MS4A8: variants seen among roughly 807,000 people sequenced by gnomAD.
MS4A8 encodes the protein membrane spanning 4-domains A8, also known as membrane-spanning 4-domains subfamily A member 8.
MS4A8 carries 27 observed loss-of-function variants against 23.7 expected under a neutral mutation model. The observed-to-expected ratio is 1.14, with a 90% CI of 0.84 to 1.57. MS4A8 has a LOEUF of 1.57. MS4A8 is among the 40% of genes most tolerant of loss of function. The pLI is 0.00. For synonymous variants in MS4A8, 138 were observed against 126.3 expected (o/e 1.09, Z -0.62); for missense variants, 301 against 311.4 (o/e 0.97, Z 0.25).
intron 2 of MS4A8, among the ~76,000 whole-genome samples, chr11:60,701,706 T>C (rs914574976): frequency 3.9e-5 from 6 of 152,164 alleles, no homozygotes; most frequent in Non-Finnish European, 7.4e-5. Flanking sequence ...ATCCAATAAT[T>C]CCATTGCTGG....
In MS4A8 at chr11:60,715,305, T is replaced by C; in HGVS notation, c.649-5T>C. The C allele has an allele frequency of 6.2e-7, 1 of 1,613,688 alleles. No individual in the cohort carries two copies. On this transcript the variant is annotated splice_region_variant and splice_polypyrimidine_tract_variant and intron_variant, in intron 6 of 6. Transcript: ENST00000300226. ...GCATGCCCCCTGTGTGCCTGTGTTT[T>C]CCAGGTGAGTGTCATCTATCCAAAC...
At position 60,708,723 on chromosome 11, in the gene MS4A8, A is replaced by G. The variant is rs1463831896; in HGVS notation, c.476A>G (p.Asp159Gly). 1 of 1,612,474 alleles carries G rather than the reference A, an allele frequency of 6.2e-7. No individual in the cohort carries two copies. The highest frequency in any genetic ancestry group is 1.7e-5 in the Admixed American group (1 of 59,734). The change falls in exon 5 of 7, where the codon GAT becomes GGT. Residue 159 changes from aspartate (D) to glycine (G), a missense_variant. Physicochemically the swap from Asp to Gly is moderately conservative, Grantham distance 94. Coordinates refer to ENST00000300226, the MANE Select transcript of MS4A8 (RefSeq NM_031457.2). The part of the protein sequence containing the change: ...SAVGVILFIT[D>G]LSIPHPYAYP... ...GTTGGAGTCATACTCTTCATCACAG[A>G]TCTAAGTATTCCCCACCCATATGCC...
chr11:60,715,276 C>A, intron 6 of MS4A8, 34 bp from the exon 7 acceptor site: 1 of 1,596,194 alleles, frequency 6.3e-7, no homozygotes, highest in South Asian at 1.1e-5. Flanking sequence ...GCCCGTCCTT[C>A]TTAGCATGCC....
At chr11:60,703,635 A>C in intron 3 of MS4A8, 135 bp downstream of exon 3, 1 of 1,025,620 alleles carries the variant, frequency 9.8e-7, no homozygotes, top group Non-Finnish European at 1.4e-6. Context: ...GAAACCAGCC[A>C]GCCCTGGCCT....
intron 5 of MS4A8, chr11:60,712,168 C>G: frequency 3.5e-6 from 1 of 282,570 alleles, no homozygotes; most frequent in Non-Finnish European, 6.0e-6. Flanking sequence ...CCTGCACTCC[C>G]CTTTTCCTGG....
At chr11:60,706,688 G>A (rs372501860) in intron 3 of MS4A8, among the ~76,000 whole-genome samples, 2 of 152,318 alleles carry the variant, frequency 1.3e-5, no homozygotes, top group East Asian at 3.9e-4. Flanking sequence ...CACTTGGGAA[G>A]AGCTATAAAT....
rs372626395 is a variant in MS4A8 at position 60,700,851 on chromosome 11, T to G, written c.-1-9T>G. The G allele has an allele frequency of 3.7e-6, 6 of 1,614,136 alleles. No individual in the cohort carries two copies. ...GAGGGAAAATTCTCTCGCATTTATT[T>G]CTTGGCAGCATGAATTCGATGACTT... is the stretch of plus-strand genomic sequence containing the variant. On this transcript the variant is annotated splice_polypyrimidine_tract_variant and intron_variant, in intron 1 of 6. Coordinates refer to ENST00000300226, the MANE Select transcript of MS4A8 (RefSeq NM_031457.2).
chr11:60,705,500 T>G lies in MS4A8; in HGVS notation c.343-1488T>G, dbSNP rs142162822. On this transcript the variant is annotated intron_variant, in intron 3 of 6. Transcript: ENST00000300226. Reference sequence around the variant, plus strand: ...CTTGATCCCAGGACTGTCTTTCTATTTCCCAAAGATCATCAATATCCTCTT... The same window carrying G: ...CTTGATCCCAGGACTGTCTTTCTATGTCCCAAAGATCATCAATATCCTCTT... 3.7e-3 allele frequency among the ~76,000 whole-genome samples: 562 copies of G among 152,352 alleles called. 4 individuals are homozygous for G. Among genetic ancestry groups the G allele is most frequent in the Middle Eastern group, 6.8e-3 (2 of 294 alleles).
At chr11:60,703,896 CA>C (rs1469760425) in intron 3 of MS4A8, among the ~76,000 whole-genome samples, 22 of 152,040 alleles carry the variant, frequency 1.4e-4, no homozygotes, top group African/African-American at 5.1e-4. Flanking sequence ...GGACACCAGT[CA>C]TTTTGGATTA....
chr11:60,711,750 A>G (rs1356934298), intron 5 of MS4A8: 2 of 453,822 alleles, frequency 4.4e-6, no homozygotes, highest in Non-Finnish European at 8.9e-6. Context: ...GAAAGACTAA[A>G]CCCCAAGCAG....
At chr11:60,707,309 C>A (rs11230453) in intron 4 of MS4A8, among the ~76,000 whole-genome samples, 2 of 147,566 alleles carry the variant, frequency 1.4e-5, no homozygotes, top group African/African-American at 2.5e-5. Context: ...GTATGGAGAG[C>A]GAGAGAGAGA....
intron 3 of MS4A8, among the ~76,000 whole-genome samples, chr11:60,706,757 T>G (rs760540708): frequency 6.6e-6 from 1 of 152,214 alleles, no homozygotes; most frequent in Non-Finnish European, 1.5e-5. Context: ...TTACCCAAGG[T>G]CAAGAGTTTC....
At chr11:60,708,869 C>T (rs751049474) in intron 5 of MS4A8, 88 bp downstream of exon 5, 14 of 1,492,452 alleles carry the variant, frequency 9.4e-6, no homozygotes, top group South Asian at 9.1e-5. Context: ...AACCAAGCTA[C>T]CTCACTGAAC....
intron 3 of MS4A8, among the ~76,000 whole-genome samples, 167 bp from the exon 4 acceptor site, chr11:60,706,821 C>T (rs2088259706): frequency 6.6e-6 from 1 of 152,188 alleles, no homozygotes; most frequent in Non-Finnish European, 1.5e-5. Flanking sequence ...ATTTATCCCA[C>T]CCCAGTGCCT....
At position 60,707,281 on chromosome 11, in the gene MS4A8, C is replaced by A. The variant is rs1263879587; in HGVS notation, c.402+234C>A. On this transcript the variant is annotated intron_variant, in intron 4 of 6. Coordinates refer to ENST00000300226, the MANE Select transcript of MS4A8 (RefSeq NM_031457.2). ...AAGTGAGAAGGGGCAATACAGTCAC[C>A]TTAGTTAAGGCATCAGAGTATGGAG... Among the ~76,000 whole-genome samples the A allele has an allele frequency of 3.3e-5, 5 of 152,056 alleles. No individual in the cohort carries two copies. The East Asian group carries it at 9.7e-4, about 29-fold the overall frequency.
At chr11:60,703,811 G>A (rs939269161) in intron 3 of MS4A8, among the ~76,000 whole-genome samples, 1 of 152,190 alleles carries the variant, frequency 6.6e-6, no homozygotes, top group African/African-American at 2.4e-5. Flanking sequence ...TCCTTGGCTT[G>A]CAGAAGGTCG....
At chr11:60,709,683 T>C (rs1284070309) in intron 5 of MS4A8, among the ~76,000 whole-genome samples, 1 of 152,208 alleles carries the variant, frequency 6.6e-6, no homozygotes, top group Non-Finnish European at 1.5e-5. Flanking sequence ...TTCAATCCTC[T>C]GTCTGCGCAA....
chr11:60,714,920 C>T, intron 5 of MS4A8, 101 bp from the exon 6 acceptor site: 1 of 825,726 alleles, frequency 1.2e-6, no homozygotes, highest in South Asian at 1.4e-5. Context: ...GGATAGGGGA[C>T]TTCCGCAAAG....
At chr11:60,702,781 A>G (rs1443589975) in intron 2 of MS4A8, among the ~76,000 whole-genome samples, 2 of 152,176 alleles carry the variant, frequency 1.3e-5, no homozygotes, top group East Asian at 3.8e-4. Flanking sequence ...TTGGCTGATT[A>G]TATCTGCAAC....
Sources: allele counts gnomAD v4.1 joint callset (sites outside exome capture counted in the v4.1 genomes callset), GRCh38; gene constraint gnomAD v4.1.1; transcripts MANE v1.5; gene names NCBI Gene and HGNC (gene_info 2026-07-23, HGNC 2026-07-21).